SNTG2: variants seen among roughly 807,000 people sequenced by gnomAD.
SNTG2 encodes syntrophin gamma 2.
Under a neutral mutation model 70.9 loss-of-function variants are expected in SNTG2, and 74 were observed. That is an observed-to-expected ratio of 1.04 (90% CI 0.86 to 1.27). SNTG2 has a LOEUF of 1.27. SNTG2 is among the 50% of genes most tolerant of loss of function. The pLI is 0.00. For synonymous variants in SNTG2, 278 were observed against 273.8 expected (o/e 1.02, Z -0.15); for missense variants, 717 against 690.7 (o/e 1.04, Z -0.43).
In SNTG2 at chr2:1,218,946, A is replaced by G. The variant is rs1473391828; in HGVS notation, c.719+9716A>G. On this transcript the variant is annotated intron_variant, in intron 9 of 16. Transcript: ENST00000308624. The stretch of plus-strand genomic sequence containing the variant: ...ACGTTTAAAGGAGGTTTGAAGCAGC[A>G]GGAGTTCAGTGATTTTTAATTGTGA... 5.3e-5 allele frequency among the ~76,000 whole-genome samples: 8 copies of G among 152,230 alleles called. No individual in the cohort carries two copies. In the East Asian group the frequency reaches 1.5e-3, roughly 29 times the overall value.
At chr2:1,110,102 GGGGAAGGAAAGGGAACACAA>G (rs1666344080) in intron 4 of SNTG2, among the ~76,000 whole-genome samples, 1 of 152,114 alleles carries the variant, frequency 6.6e-6, no homozygotes, top group Non-Finnish European at 1.5e-5. Context: ...TACATTTGGT[GGGGAAGGAAAGGGAACACAA>G]AACCCAGGTC....
At chr2:1,069,650 G>A (rs1663394100) in intron 1 of SNTG2, among the ~76,000 whole-genome samples, 1 of 152,048 alleles carries the variant, frequency 6.6e-6, no homozygotes, top group Admixed American at 6.5e-5. Flanking sequence ...AATTTGCTGG[G>A]CAGGATGACA....
At chr2:1,050,142 A>G (rs995465016) in intron 1 of SNTG2, among the ~76,000 whole-genome samples, 9 of 152,142 alleles carry the variant, frequency 5.9e-5, no homozygotes, top group African/African-American at 1.2e-4. Context: ...CTGTCACTCT[A>G]TGGGTTCCCT....
intron 14 of SNTG2, among the ~76,000 whole-genome samples, chr2:1,281,314 GTGTTT>G (rs1318534113): frequency 9.0e-6 from 1 of 111,472 alleles, no homozygotes; most frequent in Admixed American, 8.6e-5. Flanking sequence ...TGTGGTGTGT[GTGTTT>G]GTGTGGTGTG....
At chr2:1,164,112 A>G (rs561043264) in intron 6 of SNTG2, among the ~76,000 whole-genome samples, 1 of 152,306 alleles carries the variant, frequency 6.6e-6, no homozygotes, top group East Asian at 1.9e-4. Flanking sequence ...AACTGTGGGT[A>G]GGCTTTATGT....
chr2:1,278,786 A>C (rs556149571), intron 14 of SNTG2, among the ~76,000 whole-genome samples: 1 of 152,192 alleles, frequency 6.6e-6, no homozygotes, highest in African/African-American at 2.4e-5. Flanking sequence ...CTGAGGTTTC[A>C]GTTACCCGTG....
rs185376757 is a variant in SNTG2 at position 1,071,627 on chromosome 2, C to G, written c.73-11891C>G. On this transcript the variant is annotated intron_variant, in intron 1 of 16. Transcript: ENST00000308624. ...GTAACCTGCACAATGTGCACATGTA[C>G]CCTAAAACTTAAAGTATAATAATAA... Among the ~76,000 whole-genome samples, 11 of 132,230 alleles carry G rather than the reference C, an allele frequency of 8.3e-5. No homozygotes were observed. In the East Asian group the frequency reaches 1.7e-3, roughly 21 times the overall value. 86.7% of individuals were successfully genotyped at this position (132,230 alleles called of 152,430 possible). A position where few individuals can be genotyped will look rare whatever the true frequency, so the allele number is the denominator to read the frequency against.
At chr2:1,329,496 G>C (rs1659400629) in intron 16 of SNTG2, among the ~76,000 whole-genome samples, 1 of 152,206 alleles carries the variant, frequency 6.6e-6, no homozygotes, top group Non-Finnish European at 1.5e-5. Flanking sequence ...GGTAGCATCA[G>C]ATGGGGTGCA....
chr2:1,200,858 A>G (rs114958034), intron 8 of SNTG2, among the ~76,000 whole-genome samples: 1,707 of 152,134 alleles, frequency 0.011, 30 homozygotes, highest in African/African-American at 0.039. Flanking sequence ...ATCTTACCCC[A>G]GTTAGAATGG....
chr2:1,313,425 C>G (rs1386986809), intron 15 of SNTG2, among the ~76,000 whole-genome samples: 1 of 152,204 alleles, frequency 6.6e-6, no homozygotes, highest in Non-Finnish European at 1.5e-5. Flanking sequence ...GACTGACTGC[C>G]CAACAGCGTC....
chr2:1,278,230 T>C (rs1043583347), intron 14 of SNTG2, among the ~76,000 whole-genome samples: 7 of 152,232 alleles, frequency 4.6e-5, no homozygotes, highest in African/African-American at 1.7e-4. Context: ...ACTGGCCATG[T>C]CAGTTAATGC....
intron 16 of SNTG2, among the ~76,000 whole-genome samples, chr2:1,352,927 A>G (rs758367638): frequency 1.1e-4 from 17 of 152,082 alleles, no homozygotes; most frequent in Non-Finnish European, 2.4e-4. Context: ...TGTACCGGAA[A>G]CCTTACCATT....
rs1482834372 is a variant in SNTG2 at position 1,006,318 on chromosome 2, AAAG to A, written c.72+55253_72+55255del. Among the ~76,000 whole-genome samples the A allele has an allele frequency of 1.9e-4, 29 of 152,268 alleles. No individual in the cohort carries two copies. In the East Asian group the frequency reaches 3.7e-3, roughly 19 times the overall value. Reference sequence around the variant, plus strand: ...TTAAAACTTAAGGTATAATTAAAAAAAAGAAAAAAAATGCATTGATTATATACA... The same window carrying A: ...TTAAAACTTAAGGTATAATTAAAAAAAAAAAAAATGCATTGATTATATACA... On this transcript the variant is annotated intron_variant, in intron 1 of 16. Transcript: ENST00000308624.
At chr2:1,357,451 T>A (rs1046166466) in intron 16 of SNTG2, among the ~76,000 whole-genome samples, 1 of 152,180 alleles carries the variant, frequency 6.6e-6, no homozygotes, top group Non-Finnish European at 1.5e-5. Flanking sequence ...TTGTAGAATA[T>A]GATCCTTTTC....
intron 9 of SNTG2, among the ~76,000 whole-genome samples, chr2:1,220,975 C>T (rs989379552): frequency 3.9e-5 from 6 of 152,202 alleles, no homozygotes; most frequent in Admixed American, 6.5e-5. Context: ...TGCTGATTTT[C>T]GGAGGCACCC....
intron 1 of SNTG2, among the ~76,000 whole-genome samples, chr2:959,990 AG>A (rs1660296800): frequency 6.6e-6 from 1 of 152,044 alleles, no homozygotes; most frequent in Non-Finnish European, 1.5e-5. Flanking sequence ...CTCATCCTCA[AG>A]ATAGAATTTT....
intron 1 of SNTG2, among the ~76,000 whole-genome samples, chr2:1,047,155 A>G (rs1661786137): frequency 6.6e-6 from 1 of 152,034 alleles, no homozygotes; most frequent in Non-Finnish European, 1.5e-5. Flanking sequence ...AATACTCCTG[A>G]TTGTGTTATG....
chr2:1,219,688 A>C (rs1407065884), intron 9 of SNTG2, among the ~76,000 whole-genome samples: 1 of 138,396 alleles, frequency 7.2e-6, no homozygotes, highest in Non-Finnish European at 1.6e-5. Flanking sequence ...AAGAAAGGGA[A>C]GGGAGGGGAG....
chr2:1,059,253 C>T (rs1662656385), intron 1 of SNTG2: 1 of 152,106 alleles, frequency 6.6e-6, no homozygotes, highest in South Asian at 2.1e-4. Context: ...GAATATTCTA[C>T]AAACCTGTTT....
Sources: gnomAD v4.1 joint callset for allele counts (sites outside exome capture counted in the v4.1 genomes callset) on GRCh38, gnomAD v4.1.1 for gene constraint, MANE v1.5 for transcripts, NCBI Gene and HGNC (gene_info 2026-07-23, HGNC 2026-07-21) for gene names.